Variants in SLC26A7 observed in about 807,000 individuals in gnomAD.
SLC26A7 encodes the protein solute carrier family 26 member 7, also known as anion exchange transporter.
Under a neutral mutation model 82.5 loss-of-function variants are expected in SLC26A7, and 59 were observed. The observed-to-expected ratio is 0.72, with a 90% confidence interval of 0.58 to 0.89. The LOEUF (loss-of-function observed/expected upper bound fraction) is 0.89. Among genes scored for constraint, SLC26A7 ranks in the 40% least tolerant of loss-of-function variants. SLC26A7 has a pLI of 0.00. For missense variants in SLC26A7, 820 were observed against 793.0 expected, an observed-to-expected ratio of 1.03 and a Z score of -0.41; for synonymous variants, 271 against 274.3, an observed-to-expected ratio of 0.99 and a Z score of 0.12.
At chr8:91,378,959 A>G (rs943536564) in intron 15 of SLC26A7, among the ~76,000 whole-genome samples, 1 of 152,090 alleles carries the variant, frequency 6.6e-6, no homozygotes, top group African/African-American at 2.4e-5. Context: ...ATTAATAAGA[A>G]GTTAAAAGTT....
At chr8:91,288,977 T>C (rs565095820) in intron 2 of SLC26A7, among the ~76,000 whole-genome samples, 159 bp from the exon 3 acceptor site, 32 of 152,248 alleles carry the variant, frequency 2.1e-4, no homozygotes, top group African/African-American at 7.2e-4. Context: ...AAAGCGTGAA[T>C]TTTCTTTTAT....
At chr8:91,293,528 G>A (rs560167178) in intron 3 of SLC26A7, among the ~76,000 whole-genome samples, 15 of 152,310 alleles carry the variant, frequency 9.8e-5, no homozygotes, top group Non-Finnish European at 1.0e-4. Flanking sequence ...CCACATTGGC[G>A]TGGTGGATAT....
intron 15 of SLC26A7, among the ~76,000 whole-genome samples, chr8:91,373,575 A>G (rs983399314): frequency 5.9e-5 from 9 of 152,008 alleles, no homozygotes; most frequent in Non-Finnish European, 1.3e-4. Context: ...AATAAAACCC[A>G]CTTGATCATA....
Position 91,356,095 on chromosome 8 carries a change from A to G in SLC26A7, c.1314+3099A>G, listed in dbSNP as rs1813859863. Among the ~76,000 whole-genome samples the G allele has an allele frequency of 8.5e-5, 13 of 152,332 alleles. 1 individual carries two copies. In the South Asian group the frequency reaches 2.7e-3, roughly 32 times the overall value. ...ATGGCTGCATAGTATTCCATGGTGT[A>G]CATGTGCCACATTTTCTTAATCCAG... On this transcript the variant is annotated intron_variant, in intron 11 of 18. Coordinates refer to ENST00000276609, the MANE Select transcript of SLC26A7 (RefSeq NM_052832.4).
intron 3 of SLC26A7, among the ~76,000 whole-genome samples, chr8:91,290,882 T>C (rs1301425477): frequency 6.6e-6 from 1 of 152,200 alleles, no homozygotes; most frequent in Non-Finnish European, 1.5e-5. Context: ...TATCAATCAC[T>C]TACAACATTT....
At chr8:91,360,156 A>G (rs973056266) in intron 11 of SLC26A7, among the ~76,000 whole-genome samples, 70 of 152,160 alleles carry the variant, frequency 4.6e-4, no homozygotes, top group Non-Finnish European at 9.3e-4. Flanking sequence ...AACATTTAGT[A>G]ATAGGGATCT....
intron 18 of SLC26A7, 27 bp from the exon 19 acceptor site, chr8:91,395,035 T>G: frequency 6.2e-7 from 1 of 1,610,646 alleles, no homozygotes; most frequent in East Asian, 2.2e-5. Flanking sequence ...AAATAGCACA[T>G]ACTTACTTCT....
intron 15 of SLC26A7, among the ~76,000 whole-genome samples, chr8:91,380,079 G>A (rs1814627403): frequency 6.6e-6 from 1 of 151,974 alleles, no homozygotes; most frequent in Non-Finnish European, 1.5e-5. Flanking sequence ...GCTATTATTG[G>A]GGAAATGCAA....
chr8:91,249,577 A>T lies in SLC26A7; in HGVS notation c.-75A>T, dbSNP rs1810601099. 1.6e-6 allele frequency: 2 copies of T among 1,232,846 alleles called. No homozygotes were observed. The highest frequency in any genetic ancestry group is 3.1e-5 in the African/African-American group (2 of 63,640). 76.4% of individuals were successfully genotyped at this position (1,232,846 alleles called of 1,614,324 possible). The stretch of plus-strand genomic sequence containing the variant: ...AACCACAGACGAATTGGAGCTTGGC[A>T]TTGAAAGGAGGTGTTCTGCAATGAT... On this transcript the variant is annotated 5_prime_UTR_variant, in exon 2 of 19. Coordinates refer to ENST00000276609, the MANE Select transcript of SLC26A7 (RefSeq NM_052832.4).
chr8:91,271,933 G>A (rs982186454), intron 2 of SLC26A7, among the ~76,000 whole-genome samples: 1 of 152,166 alleles, frequency 6.6e-6, no homozygotes, highest in Admixed American at 6.5e-5. Context: ...CAAAAACACT[G>A]AAACATGCCA....
chr8:91,252,622 G>T (rs1810690368), intron 2 of SLC26A7, among the ~76,000 whole-genome samples: 1 of 152,014 alleles, frequency 6.6e-6, no homozygotes, highest in Admixed American at 6.6e-5. Context: ...AAGCATAAAA[G>T]ATGCTAATCA....
chr8:91,275,192 G>A (rs1431219548), intron 2 of SLC26A7, among the ~76,000 whole-genome samples: 1 of 152,214 alleles, frequency 6.6e-6, no homozygotes, highest in Non-Finnish European at 1.5e-5. Flanking sequence ...CTCTCTATAT[G>A]TAGAATGTAT....
At chr8:91,292,080 C>A (rs1811885759) in intron 3 of SLC26A7, among the ~76,000 whole-genome samples, 1 of 152,026 alleles carries the variant, frequency 6.6e-6, no homozygotes, top group South Asian at 2.1e-4. Context: ...CCGAAGCAGG[C>A]AGATCACAAG....
chr8:91,377,602 A>C (rs994058517), intron 15 of SLC26A7, among the ~76,000 whole-genome samples: 1 of 152,178 alleles, frequency 6.6e-6, no homozygotes, highest in Non-Finnish European at 1.5e-5. Flanking sequence ...GAGGGCACAC[A>C]TGTGTGAGCT....
chr8:91,383,890 T>C (rs1586476731), intron 15 of SLC26A7, among the ~76,000 whole-genome samples: 1 of 152,218 alleles, frequency 6.6e-6, no homozygotes, highest in East Asian at 1.9e-4. Context: ...TTCTTGTACA[T>C]ATTGAACATC....
chr8:91,228,769 A>C (rs1032585243), intron 2 of SLC26A7, among the ~76,000 whole-genome samples: 2 of 152,200 alleles, frequency 1.3e-5, no homozygotes, highest in African/African-American at 2.4e-5. Flanking sequence ...TGAAGAAACC[A>C]GGGGTTTCTT....
intron 4 of SLC26A7, among the ~76,000 whole-genome samples, chr8:91,314,879 A>G (rs1315007868): frequency 2.0e-5 from 3 of 152,160 alleles, no homozygotes; most frequent in African/African-American, 7.2e-5. Flanking sequence ...ATGTTTTTTA[A>G]TACTTGAAAT....
At chr8:91,322,931 G>A (rs916603293) in intron 5 of SLC26A7, among the ~76,000 whole-genome samples, 1 of 152,052 alleles carries the variant, frequency 6.6e-6, no homozygotes, top group African/African-American at 2.4e-5. Context: ...GACTGCAAAG[G>A]GGAACCAAGA....
intron 2 of SLC26A7, among the ~76,000 whole-genome samples, chr8:91,228,707 C>T (rs537894619): frequency 7.8e-4 from 118 of 152,246 alleles, no homozygotes; most frequent in Non-Finnish European, 1.5e-3. Context: ...TTAGAAAAAG[C>T]CTCCAGTCAC....
Sources: allele counts gnomAD v4.1 joint callset (sites outside exome capture counted in the v4.1 genomes callset), GRCh38; gene constraint gnomAD v4.1.1; transcripts MANE v1.5; gene names NCBI Gene and HGNC (gene_info 2026-07-23, HGNC 2026-07-21).